SH3D19: variants seen among roughly 807,000 people sequenced by gnomAD.
SH3D19 encodes the protein SH3 domain containing 19.
SH3D19 carries 58 observed loss-of-function variants against 112.1 expected under a neutral mutation model. The observed-to-expected ratio is 0.52, with a 90% CI of 0.42 to 0.64. The LOEUF is 0.64. Ranked by LOEUF, SH3D19 falls within the 30% of genes least tolerant of loss-of-function variation. The probability of loss-of-function intolerance (pLI) is 0.00; values close to 1 mark genes in which losing one functional copy is unlikely to be tolerated. For synonymous variants in SH3D19, 391 were observed against 448.5 expected (o/e 0.87, Z 1.62); for missense variants, 1,090 against 1,263.4 (o/e 0.86, Z 2.08).
At chr4:151,266,494 C>A (rs1483776197) in intron 1 of SH3D19, among the ~76,000 whole-genome samples, 1 of 152,052 alleles carries the variant, frequency 6.6e-6, no homozygotes, top group Non-Finnish European at 1.5e-5. Context: ...TTTAGTTGCT[C>A]GACTCATATG....
chr4:151,254,918 CT>C (rs1221788897), intron 1 of SH3D19, among the ~76,000 whole-genome samples: 1 of 150,582 alleles, frequency 6.6e-6, no homozygotes, highest in African/African-American at 2.4e-5. Flanking sequence ...CGCCCCTCAC[CT>C]CCCGGGAGGG....
At chr4:151,280,077 G>C (rs1428378483) in intron 1 of SH3D19, 1 of 1,217,588 alleles carries the variant, frequency 8.2e-7, no homozygotes. Flanking sequence ...AGGAAACCCA[G>C]GTCATGTCAG....
chr4:151,310,722 C>G (rs1729370532), intron 1 of SH3D19, among the ~76,000 whole-genome samples: 3 of 151,744 alleles, frequency 2.0e-5, no homozygotes, highest in African/African-American at 7.3e-5. Flanking sequence ...CAGGTGCACA[C>G]CACAACACCT....
At position 151,176,866 on chromosome 4, in the gene SH3D19, G is replaced by A. The variant is rs1760028358; in HGVS notation, c.326C>T (p.Thr109Ile). Residue 109 changes from threonine (T) to isoleucine (I), a missense_variant, in exon 5 of 20, where the codon ACA becomes ATA. Coordinates refer to ENST00000604030, the MANE Select transcript of SH3D19 (RefSeq NM_001378122.1). The part of the protein sequence containing the change: ...GTPPPGLGFP[T>I]SSAAGSWRPN... ...CCTCCAAGAGCCTGCTGCAGATGAT[G>A]TAGGAAATCCCAGTCCTGGGGGTGG... The A allele has an allele frequency of 8.1e-7, 1 of 1,232,204 alleles. No individual in the cohort carries two copies. Among genetic ancestry groups the A allele is most frequent in the Admixed American group, 4.2e-5 (1 of 23,728 alleles). The allele number at this position is 1,232,204 out of a possible 1,614,324, so 76.3% of individuals were successfully genotyped here. A position where few individuals can be genotyped will look rare whatever the true frequency, so the allele number is the denominator to read the frequency against.
In SH3D19 at chr4:151,254,090, C is replaced by T. The variant is rs180692355; in HGVS notation, c.113-28004G>A. ...TTTAACCTCCAAGGGCCTCAGTTTC[C>T]TCATCTATAAAGGGAATGAAAACAT... is the stretch of plus-strand genomic sequence containing the variant. On this transcript the variant is annotated intron_variant, in intron 1 of 19. Coordinates refer to ENST00000604030, the MANE Select transcript of SH3D19 (RefSeq NM_001378122.1). Among the ~76,000 whole-genome samples the T allele has an allele frequency of 1.1e-4, 16 of 152,280 alleles. No individual in the cohort carries two copies. In the East Asian group the frequency reaches 1.9e-3, roughly 18 times the overall value.
At chr4:151,268,702 G>T (rs1331499331) in intron 1 of SH3D19, among the ~76,000 whole-genome samples, 1 of 138,826 alleles carries the variant, frequency 7.2e-6, no homozygotes, top group Non-Finnish European at 1.5e-5. Flanking sequence ...TTGGTTTTTT[G>T]TTCTTGCGAT....
intron 9 of SH3D19, among the ~76,000 whole-genome samples, chr4:151,155,874 G>GTCT (rs1161440031): frequency 6.6e-5 from 10 of 152,276 alleles, no homozygotes; most frequent in African/African-American, 2.2e-4. Context: ...GGGCGACAGA[G>GTCT]CGAGACTCTG....
chr4:151,284,333 C>T (rs892553166), intron 1 of SH3D19, among the ~76,000 whole-genome samples: 6 of 152,124 alleles, frequency 3.9e-5, no homozygotes, highest in African/African-American at 1.2e-4. Context: ...CCTCTTTCTG[C>T]TGTCATTTAC....
chr4:151,243,628 C>A (rs970543255), intron 1 of SH3D19, among the ~76,000 whole-genome samples: 1 of 152,192 alleles, frequency 6.6e-6, no homozygotes, highest in East Asian at 1.9e-4. Flanking sequence ...CTTCATAACA[C>A]AAATGGCTAA....
At chr4:151,142,654 G>A (rs569079952) in intron 12 of SH3D19, among the ~76,000 whole-genome samples, 2 of 152,034 alleles carry the variant, frequency 1.3e-5, no homozygotes, top group Admixed American at 1.3e-4. Context: ...CTTTTCCCAT[G>A]ATCTGTCTGA....
intron 1 of SH3D19, among the ~76,000 whole-genome samples, chr4:151,258,481 A>G (rs1169644290): frequency 6.6e-6 from 1 of 152,218 alleles, no homozygotes; most frequent in Non-Finnish European, 1.5e-5. Context: ...GAGATGTGGC[A>G]GTTTAGGCAG....
intron 2 of SH3D19, among the ~76,000 whole-genome samples, chr4:151,197,700 A>G: frequency 6.6e-6 from 1 of 152,188 alleles, no homozygotes. Context: ...GAAAGAAAAA[A>G]GGTGAGAAAC....
At chr4:151,284,932 G>A (rs769962411) in intron 1 of SH3D19, among the ~76,000 whole-genome samples, 7 of 152,084 alleles carry the variant, frequency 4.6e-5, no homozygotes, top group Non-Finnish European at 1.0e-4. Flanking sequence ...TGGGACTCTC[G>A]CTCTGTGGCT....
At chr4:151,160,605 C>T (rs1756985633) in intron 8 of SH3D19, among the ~76,000 whole-genome samples, 2 of 151,700 alleles carry the variant, frequency 1.3e-5, no homozygotes, top group African/African-American at 2.4e-5. Flanking sequence ...TACTGAAGGA[C>T]GCTAAAGCCA....
At chr4:151,239,314 A>G (rs1040569025) in intron 1 of SH3D19, among the ~76,000 whole-genome samples, 2 of 152,200 alleles carry the variant, frequency 1.3e-5, no homozygotes, top group Admixed American at 6.5e-5. Flanking sequence ...CAAAATAGGT[A>G]CAACATAAGT....
At chr4:151,130,292 T>C (rs957159883) in intron 17 of SH3D19, among the ~76,000 whole-genome samples, 1 of 151,856 alleles carries the variant, frequency 6.6e-6, no homozygotes, top group Non-Finnish European at 1.5e-5. Flanking sequence ...ATACAAAAAT[T>C]AGCTGGGAGT....
intron 7 of SH3D19, among the ~76,000 whole-genome samples, chr4:151,172,314 T>C (rs1759197251): frequency 6.6e-6 from 1 of 152,144 alleles, no homozygotes; most frequent in Non-Finnish European, 1.5e-5. Context: ...TGAAGGCCTT[T>C]GGAGGGCATA....
chr4:151,325,244 C>T lies in SH3D19; in HGVS notation c.109G>A (p.Ala37Thr), dbSNP rs1268002276. ...RGRALSGHSA[A>T]DRNERNKPEH... is the part of the protein sequence containing the mutation. Reference sequence around the variant, plus strand: ...CCCCGTCCCCCGCGCCTCTCACCTGCGGCCGAGTGGCCCGAGAGCGCACGG... The same window carrying T: ...CCCCGTCCCCCGCGCCTCTCACCTGTGGCCGAGTGGCCCGAGAGCGCACGG... Residue 37 changes from alanine (A) to threonine (T), a missense_variant, in exon 1 of 20, where the codon GCA becomes ACA. Physicochemically the swap from Ala to Thr is moderately conservative, Grantham distance 58 (BLOSUM62 0). Transcript: ENST00000604030. 3.3e-6 allele frequency: 4 copies of T among 1,220,500 alleles called. No individual in the cohort carries two copies. The highest frequency in any genetic ancestry group is 4.1e-6 in the Non-Finnish European group (4 of 980,460). The allele number at this position is 1,220,500 out of a possible 1,614,324, so 75.6% of individuals were successfully genotyped here. A position where few individuals can be genotyped will look rare whatever the true frequency, so the allele number is the denominator to read the frequency against.
At chr4:151,258,327 A>G (rs1010093157) in intron 1 of SH3D19, among the ~76,000 whole-genome samples, 5 of 152,222 alleles carry the variant, frequency 3.3e-5, no homozygotes, top group African/African-American at 1.2e-4. Context: ...TTCTCCTGTC[A>G]GTCCTGTCAG....
Sources: allele counts gnomAD v4.1 joint callset (sites outside exome capture counted in the v4.1 genomes callset), GRCh38; gene constraint gnomAD v4.1.1; transcripts MANE v1.5; gene names NCBI Gene and HGNC (gene_info 2026-07-23, HGNC 2026-07-21).